The following CATSPERD variants were observed in gnomAD, a reference collection of about 807,000 sequenced individuals.
CATSPERD encodes cation channel sperm-associated auxiliary subunit delta.
A neutral mutation model predicts 98.1 loss-of-function variants in CATSPERD; 86 were observed. The observed-to-expected ratio is 0.88, with a 90% CI of 0.74 to 1.05. The LOEUF is 1.05. Ranked by LOEUF, CATSPERD falls within the 50% of genes least tolerant of loss-of-function variation. The pLI is 0.00. For synonymous variants in CATSPERD, 394 were observed against 390.2 expected (o/e 1.01, Z -0.12); for missense variants, 995 against 1,005.7 (o/e 0.99, Z 0.14).
At chr19:5,760,467 C>G (rs2056413306) in intron 15 of CATSPERD, among the ~76,000 whole-genome samples, 1 of 151,002 alleles carries the variant, frequency 6.6e-6, no homozygotes, top group Non-Finnish European at 1.5e-5. Context: ...TTGAGGACAA[C>G]ATGCTCAGTG....
intron 5 of CATSPERD, among the ~76,000 whole-genome samples, chr19:5,736,887 C>T (rs1195421759): frequency 6.6e-6 from 1 of 151,854 alleles, no homozygotes; most frequent in Non-Finnish European, 1.5e-5. Flanking sequence ...GAAACCCTGT[C>T]TCTACTAAAA....
At chr19:5,723,186 CAAAAA>C (rs56121351) in intron 1 of CATSPERD, among the ~76,000 whole-genome samples, 5 of 121,394 alleles carry the variant, frequency 4.1e-5, no homozygotes, top group African/African-American at 9.5e-5. Context: ...GATTCTGTCT[CAAAAA>C]AAAAAAAAAG....
At chr19:5,775,134 A>T (rs762187473) in intron 20 of CATSPERD, 1 of 399,258 alleles carries the variant, frequency 2.5e-6, no homozygotes, top group Non-Finnish European at 5.2e-6. Context: ...CACGGTTACT[A>T]CTTGAGACGG....
In CATSPERD at chr19:5,732,686, T is replaced by G. The variant is rs192592984; in HGVS notation, c.277-1170T>G. On this transcript the variant is annotated intron_variant, in intron 4 of 21. Coordinates refer to ENST00000381624, the MANE Select transcript of CATSPERD (RefSeq NM_152784.4). ...TTTTGTTTTGTTTTGTTTTGTTTTGTTTTTGGTTTTTGAGACCGAGTCTCT... is the reference window on the plus strand; with the variant it reads ...TTTTGTTTTGTTTTGTTTTGTTTTGGTTTTGGTTTTTGAGACCGAGTCTCT... 5.4e-3 allele frequency among the ~76,000 whole-genome samples: 821 copies of G among 152,062 alleles called. 6 individuals are homozygous for G. The highest frequency in any genetic ancestry group is 0.018 in the African/African-American group (759 of 41,484).
At chr19:5,720,849 G>A in intron 1 of CATSPERD, 41 bp downstream of exon 1, 1 of 1,537,242 alleles carries the variant, frequency 6.5e-7, no homozygotes. Context: ...TGCTGCCGGG[G>A]GTCGGGAGGG....
At chr19:5,747,084 A>G (rs967092998) in intron 9 of CATSPERD, among the ~76,000 whole-genome samples, 7 of 151,372 alleles carry the variant, frequency 4.6e-5, no homozygotes, top group Non-Finnish European at 7.4e-5. Flanking sequence ...GCTTCAAGCA[A>G]TCCTCCTGCC....
intron 1 of CATSPERD, among the ~76,000 whole-genome samples, chr19:5,722,423 C>T (rs2436505): frequency 0.95 from 144,051 of 152,274 alleles, 68,193 homozygotes; most frequent in East Asian, 1. Context: ...GCCCGGCCAA[C>T]ACCCTTATTT....
chr19:5,774,375 G>A (rs561749694), intron 20 of CATSPERD, among the ~76,000 whole-genome samples: 1 of 152,198 alleles, frequency 6.6e-6, no homozygotes, highest in African/African-American at 2.4e-5. Flanking sequence ...ATCAGCTGTG[G>A]TGAGTGGCTG....
chr19:5,741,752 G>C (rs894266918), intron 7 of CATSPERD, among the ~76,000 whole-genome samples: 15 of 131,416 alleles, frequency 1.1e-4, no homozygotes, highest in Non-Finnish European at 2.4e-4. Flanking sequence ...CGGTGCCTCA[G>C]CCTGTAATCC....
intron 15 of CATSPERD, among the ~76,000 whole-genome samples, chr19:5,762,141 G>A (rs1189653367): frequency 7.1e-6 from 1 of 141,138 alleles, no homozygotes; most frequent in Non-Finnish European, 1.5e-5. Flanking sequence ...ACTGGTCACT[G>A]CAACCTCCAC....
At chr19:5,775,336 T>C (rs2056721498) in intron 20 of CATSPERD, 1 of 467,458 alleles carries the variant, frequency 2.1e-6, no homozygotes, top group South Asian at 1.6e-5. Flanking sequence ...GCGTATTTAT[T>C]GAGTAGAAAC....
intron 1 of CATSPERD, among the ~76,000 whole-genome samples, chr19:5,721,153 C>G (rs2055461205): frequency 2.6e-5 from 4 of 151,800 alleles, no homozygotes; most frequent in Non-Finnish European, 4.4e-5. Context: ...CGCCTGCCAC[C>G]ACGCCCGGCT....
intron 15 of CATSPERD, among the ~76,000 whole-genome samples, chr19:5,759,706 C>T (rs531838844): frequency 3.9e-5 from 6 of 152,096 alleles, no homozygotes; most frequent in Admixed American, 1.3e-4. Flanking sequence ...ATCAACCCAC[C>T]GGTCCATCAC....
rs1324691467 is a variant in CATSPERD at position 5,754,258 on chromosome 19, T to C, written c.1278+13T>C. 2 of 1,580,432 alleles carry C rather than the reference T, an allele frequency of 1.3e-6. No individual in the cohort carries two copies. The highest frequency in any genetic ancestry group is 3.3e-5 in the Admixed American group (2 of 59,930). On this transcript the variant is annotated intron_variant, in intron 13 of 21. Transcript: ENST00000381624. Reference sequence around the variant, plus strand: ...CCTGATTCCTCTGGTAAGTACATCTTAATGTTTCTGCTATCTGGGATTCTC... The same window carrying C: ...CCTGATTCCTCTGGTAAGTACATCTCAATGTTTCTGCTATCTGGGATTCTC...
intron 1 of CATSPERD, among the ~76,000 whole-genome samples, chr19:5,722,259 T>A (rs2055502612): frequency 6.6e-6 from 1 of 152,050 alleles, no homozygotes; most frequent in South Asian, 2.1e-4. Context: ...GTAGTTGGGA[T>A]TATGGGCGCC....
At chr19:5,748,993 G>A in intron 10 of CATSPERD, 108 bp from the exon 11 acceptor site, 1 of 826,894 alleles carries the variant, frequency 1.2e-6, no homozygotes, top group Non-Finnish European at 1.9e-6. Context: ...GCCTCTCAAA[G>A]TGTTGGAATT....
intron 6 of CATSPERD, 43 bp downstream of exon 6, chr19:5,737,248 C>G (rs760476885): frequency 1.5e-6 from 2 of 1,337,852 alleles, no homozygotes; most frequent in Non-Finnish European, 2.1e-6. Flanking sequence ...TTGCTCTCCT[C>G]TGAACACAAA....
At chr19:5,724,123 A>G (rs1568337291) in intron 1 of CATSPERD, among the ~76,000 whole-genome samples, 1 of 150,536 alleles carries the variant, frequency 6.6e-6, no homozygotes, top group Non-Finnish European at 1.5e-5. Context: ...ACGAGATTTC[A>G]CGATGTTGGC....
chr19:5,741,940 G>T (rs1160034245), intron 7 of CATSPERD, among the ~76,000 whole-genome samples: 1 of 151,750 alleles, frequency 6.6e-6, no homozygotes, highest in Non-Finnish European at 1.5e-5. Flanking sequence ...GGCTGAGGCA[G>T]GCGAGTCACT....
Sources: gnomAD v4.1 joint callset for allele counts (sites outside exome capture counted in the v4.1 genomes callset) on GRCh38, gnomAD v4.1.1 for gene constraint, MANE v1.5 for transcripts, NCBI Gene and HGNC (gene_info 2026-07-23, HGNC 2026-07-21) for gene names.